Variants in MYO9B observed in about 807,000 individuals in gnomAD.
MYO9B encodes the protein unconventional myosin-IXb.
Under a neutral mutation model 229.5 loss-of-function variants are expected in MYO9B, and 71 were observed. The observed-to-expected ratio is 0.31, with a 90% confidence interval of 0.26 to 0.38. The LOEUF is 0.38. MYO9B is among the 10% of genes least tolerant of loss of function. The pLI is 1.00. For synonymous variants in MYO9B, 1,185 were observed against 1,235.8 expected (o/e 0.96, Z 0.86); for missense variants, 2,255 against 2,920.5 (o/e 0.77, Z 5.25).
chr19:17,084,019 C>T lies in MYO9B; in HGVS notation c.-59+8145C>T, dbSNP rs895844141. Among the ~76,000 whole-genome samples the T allele has an allele frequency of 4.3e-4, 65 of 151,822 alleles. 1 individual carries two copies. Among genetic ancestry groups the T allele is most frequent in the Non-Finnish European group, 5.9e-5 (4 of 67,964 alleles). ...AGAAATCAGAGAGGCTAGGTGGATT[C>T]TCCTGGTTAATAACCCTTTGGGTTA... On this transcript the variant is annotated intron_variant, in intron 1 of 39. Transcript: ENST00000682292.
At chr19:17,125,801 T>G (rs2058011537) in intron 2 of MYO9B, among the ~76,000 whole-genome samples, 1 of 152,152 alleles carries the variant, frequency 6.6e-6, no homozygotes, top group South Asian at 2.1e-4. Context: ...CCAAACCCCT[T>G]GAGCAACCAG....
At chr19:17,152,199 A>AAAAC (rs1240191570) in intron 3 of MYO9B, among the ~76,000 whole-genome samples, 46 of 151,704 alleles carry the variant, frequency 3.0e-4, no homozygotes, top group African/African-American at 9.2e-4. Context: ...AAAAAAAAAA[A>AAAAC]AACCCACAAG....
chr19:17,170,155 C>T (rs1292974480), intron 11 of MYO9B, among the ~76,000 whole-genome samples: 1 of 152,012 alleles, frequency 6.6e-6, no homozygotes, highest in Non-Finnish European at 1.5e-5. Context: ...CCTTGACCTC[C>T]CAAAGTGCTG....
chr19:17,171,897 A>G (rs1038356720), intron 11 of MYO9B, among the ~76,000 whole-genome samples: 4 of 152,156 alleles, frequency 2.6e-5, no homozygotes, highest in Non-Finnish European at 5.9e-5. Flanking sequence ...TCGTACCACT[A>G]CACTATAGCC....
chr19:17,089,446 C>T (rs139251032), intron 1 of MYO9B, among the ~76,000 whole-genome samples: 198 of 152,306 alleles, frequency 1.3e-3, no homozygotes, highest in Middle Eastern at 6.8e-3. Flanking sequence ...CTTATATAAA[C>T]GAAACGGCTA....
At chr19:17,139,139 T>C (rs768230721) in intron 2 of MYO9B, among the ~76,000 whole-genome samples, 6 of 152,144 alleles carry the variant, frequency 3.9e-5, no homozygotes, top group Non-Finnish European at 8.8e-5. Context: ...ATTATGCCAC[T>C]GCACTCCAGC....
intron 1 of MYO9B, among the ~76,000 whole-genome samples, chr19:17,093,677 G>GT (rs1283903463): frequency 3.7e-5 from 3 of 80,172 alleles, no homozygotes; most frequent in East Asian, 3.0e-4. Flanking sequence ...TTTTAAAGCA[G>GT]TTTTTTTGCG....
intron 22 of MYO9B, among the ~76,000 whole-genome samples, chr19:17,197,447 G>GATAGATAC (rs1408014560): frequency 2.8e-5 from 4 of 144,536 alleles, no homozygotes; most frequent in African/African-American, 1.0e-4. Context: ...TAGATAGATA[G>GATAGATAC]ATACATAGAT....
At chr19:17,150,475 G>A (rs1473721298) in intron 3 of MYO9B, among the ~76,000 whole-genome samples, 4 of 151,818 alleles carry the variant, frequency 2.6e-5, no homozygotes, top group Non-Finnish European at 4.4e-5. Context: ...TGGGAACCTC[G>A]TGCTGTCCCC....
chr19:17,154,599 G>T (rs1173287655), intron 6 of MYO9B, among the ~76,000 whole-genome samples, 184 bp downstream of exon 6: 1 of 152,270 alleles, frequency 6.6e-6, no homozygotes, highest in East Asian at 1.9e-4. Context: ...TCAAGACATT[G>T]GTCATTAGGC....
chr19:17,211,457 G>C (rs2145530454), intron 38 of MYO9B, among the ~76,000 whole-genome samples, 190 bp from the exon 39 acceptor site: 1 of 152,116 alleles, frequency 6.6e-6, no homozygotes, highest in Admixed American at 6.5e-5. Context: ...TTTACTTTTT[G>C]CAGAACAGGG....
At chr19:17,175,821 A>C in intron 14 of MYO9B, 80 bp downstream of exon 14, 1 of 879,526 alleles carries the variant, frequency 1.1e-6, no homozygotes. Flanking sequence ...GGAATGCTAC[A>C]TTCTTTTTTT....
At chr19:17,180,772 G>A in intron 14 of MYO9B, 155 bp from the exon 15 acceptor site, 3 of 566,106 alleles carry the variant, frequency 5.3e-6, no homozygotes, top group Non-Finnish European at 6.3e-6. Flanking sequence ...AAAGAGAGAG[G>A]GGCAGCATTG....
At chr19:17,144,987 A>AG (rs1160549308) in intron 2 of MYO9B, among the ~76,000 whole-genome samples, 2,108 of 137,002 alleles carry the variant, frequency 0.015, 41 homozygotes, top group African/African-American at 0.046. Context: ...AAAAAAAAAA[A>AG]AAAAGAAAAA....
intron 1 of MYO9B, among the ~76,000 whole-genome samples, chr19:17,078,397 C>T (rs1568647843): frequency 2.6e-5 from 4 of 151,992 alleles, no homozygotes; most frequent in African/African-American, 7.3e-5. Flanking sequence ...AAAATTAGCC[C>T]GGCGTGGTGA....
intron 10 of MYO9B, among the ~76,000 whole-genome samples, chr19:17,163,996 A>C (rs1442065299): frequency 2.0e-5 from 3 of 152,254 alleles, no homozygotes; most frequent in African/African-American, 4.8e-5. Context: ...GTATATACCC[A>C]GAAGTGGACT....
chr19:17,174,957 A>G (rs139531637), intron 13 of MYO9B, among the ~76,000 whole-genome samples: 1 of 151,330 alleles, frequency 6.6e-6, no homozygotes, highest in Admixed American at 6.6e-5. Context: ...AATAAATAAT[A>G]AATTAATTAA....
At chr19:17,131,977 T>TC (rs1403653981) in intron 2 of MYO9B, among the ~76,000 whole-genome samples, 1 of 151,866 alleles carries the variant, frequency 6.6e-6, no homozygotes, top group Non-Finnish European at 1.5e-5. Flanking sequence ...CCTCCTGGGC[T>TC]CAAGTGATCC....
intron 1 of MYO9B, among the ~76,000 whole-genome samples, chr19:17,085,662 A>T (rs893064345): frequency 1.4e-4 from 7 of 49,398 alleles, no homozygotes; most frequent in East Asian, 1.2e-3. Context: ...CGTCTTTAAT[A>T]AAAAAAAAAA....
Sources: gnomAD v4.1 joint callset for allele counts (sites outside exome capture counted in the v4.1 genomes callset) on GRCh38, gnomAD v4.1.1 for gene constraint, MANE v1.5 for transcripts, NCBI Gene and HGNC (gene_info 2026-07-23, HGNC 2026-07-21) for gene names.